The following STPG2 variants were observed in gnomAD, a reference collection of about 807,000 sequenced individuals.
STPG2 encodes the protein sperm tail PG-rich repeat containing 2.
In STPG2, 56 loss-of-function variants were observed where a neutral mutation model predicts 54.2. The ratio of observed to expected loss-of-function variants is 1.03; its 90% CI spans 0.83 to 1.29. STPG2 has a LOEUF of 1.29. Ranked by LOEUF, STPG2 falls within the 50% of genes most tolerant of loss-of-function variation. The pLI is 0.00. For missense variants in STPG2, 596 were observed against 544.9 expected (o/e 1.09, Z -0.93); for synonymous variants, 200 against 181.8 (o/e 1.10, Z -0.81).
At chr4:97,664,740 T>C (rs1420215615) in intron 10 of STPG2, among the ~76,000 whole-genome samples, 1 of 152,094 alleles carries the variant, frequency 6.6e-6, no homozygotes, top group Non-Finnish European at 1.5e-5. Flanking sequence ...TGTCACGGGA[T>C]CCTTGGGGTG....
In STPG2 at chr4:97,689,809, A is replaced by G. The variant is rs969518189; in HGVS notation, c.1320+22890T>C. Among the ~76,000 whole-genome samples the G allele has an allele frequency of 2.6e-5, 4 of 152,056 alleles. 1 individual carries two copies. ...ACTTGAAAATTCTTCAGTTTTCATA[A>G]AAACAAATTAGAAAGATAATTAAGA... On this transcript the variant is annotated intron_variant, in intron 10 of 10. Coordinates refer to ENST00000295268, the MANE Select transcript of STPG2 (RefSeq NM_174952.3).
intron 10 of STPG2, among the ~76,000 whole-genome samples, chr4:97,681,971 A>G (rs1302249437): frequency 6.6e-6 from 1 of 151,778 alleles, no homozygotes; most frequent in Non-Finnish European, 1.5e-5. Flanking sequence ...ATCAATTACA[A>G]TTGTTCTAAA....
chr4:97,654,446 G>C (rs1480042718), intron 10 of STPG2, among the ~76,000 whole-genome samples: 2 of 151,940 alleles, frequency 1.3e-5, no homozygotes, highest in African/African-American at 4.8e-5. Flanking sequence ...CACAAGGTTT[G>C]ATATGCATCA....
chr4:97,967,054 C>T (rs1405213672), intron 7 of STPG2, among the ~76,000 whole-genome samples: 1 of 151,946 alleles, frequency 6.6e-6, no homozygotes, highest in Non-Finnish European at 1.5e-5. Context: ...AATTAAAAGA[C>T]ACAGATGGGC....
chr4:98,022,799 G>T (rs1256689102), intron 5 of STPG2, among the ~76,000 whole-genome samples: 3 of 152,044 alleles, frequency 2.0e-5, no homozygotes, highest in African/African-American at 7.3e-5. Context: ...CTTTCTTCCA[G>T]TTGATCGCAT....
intron 9 of STPG2, among the ~76,000 whole-genome samples, chr4:97,742,553 G>GTATATATATA (rs1299622765): frequency 1.5e-5 from 2 of 134,870 alleles, no homozygotes; most frequent in Non-Finnish European, 3.2e-5. Context: ...GTGTGTGTGT[G>GTATATATATA]TGTGTGTGTG....
chr4:97,896,495 G>T (rs937230856), intron 8 of STPG2, among the ~76,000 whole-genome samples: 1 of 151,630 alleles, frequency 6.6e-6, no homozygotes, highest in African/African-American at 2.4e-5. Flanking sequence ...AGTAGGTAAG[G>T]ATGACAGAAA....
intron 2 of STPG2, 66 bp from the exon 3 acceptor site, chr4:98,128,658 T>C (rs1739900070): frequency 7.6e-7 from 1 of 1,313,668 alleles, no homozygotes; most frequent in African/African-American, 1.5e-5. Flanking sequence ...GAACCAAATA[T>C]TAAAAGTTAC....
At chr4:97,796,352 T>C (rs1727176207) in intron 9 of STPG2, among the ~76,000 whole-genome samples, 1 of 152,242 alleles carries the variant, frequency 6.6e-6, no homozygotes, top group African/African-American at 2.4e-5. Context: ...TTGAAGTCTT[T>C]AATCCATCTT....
chr4:97,979,350 A>G (rs1270559373), intron 6 of STPG2, among the ~76,000 whole-genome samples: 1 of 152,178 alleles, frequency 6.6e-6, no homozygotes, highest in Non-Finnish European at 1.5e-5. Flanking sequence ...ATCCTCATCA[A>G]GGAAATGCTA....
intron 4 of STPG2, among the ~76,000 whole-genome samples, chr4:97,485,302 A>G (rs1426209764): frequency 6.6e-6 from 1 of 151,678 alleles, no homozygotes; most frequent in Non-Finnish European, 1.5e-5. Context: ...TGTTTACCTC[A>G]AAAACTCTAA....
At chr4:98,039,864 G>T in intron 5 of STPG2, among the ~76,000 whole-genome samples, 1 of 151,492 alleles carries the variant, frequency 6.6e-6, no homozygotes, top group Non-Finnish European at 1.5e-5. Context: ...GGATGAAATG[G>T]TAATTCTAAT....
chr4:97,831,886 C>G (rs545137066), intron 9 of STPG2, among the ~76,000 whole-genome samples: 26 of 152,240 alleles, frequency 1.7e-4, no homozygotes, highest in African/African-American at 6.0e-4. Context: ...TAATAGCCTA[C>G]CAACCAAAAA....
intron 10 of STPG2, among the ~76,000 whole-genome samples, chr4:97,699,069 G>A (rs79698812): frequency 0.018 from 2,695 of 152,260 alleles, 78 homozygotes; most frequent in African/African-American, 0.061. Flanking sequence ...TTTCAGAAGA[G>A]GTCCAATACA....
At chr4:97,881,930 C>T (rs1730389605) in intron 8 of STPG2, among the ~76,000 whole-genome samples, 1 of 152,126 alleles carries the variant, frequency 6.6e-6, no homozygotes, top group South Asian at 2.1e-4. Flanking sequence ...CACTACCATC[C>T]TAACAACAAA....
intron 8 of STPG2, among the ~76,000 whole-genome samples, chr4:97,931,868 T>G (rs1004299888): frequency 4.6e-5 from 7 of 152,012 alleles, no homozygotes; most frequent in African/African-American, 1.7e-4. Context: ...ATCCATCAGG[T>G]CTTGGTCTTT....
intron 9 of STPG2, among the ~76,000 whole-genome samples, chr4:97,773,109 T>G (rs1726266833): frequency 6.6e-6 from 1 of 152,170 alleles, no homozygotes; most frequent in Non-Finnish European, 1.5e-5. Context: ...TTTATATGCC[T>G]TTTCTATTTT....
chr4:97,973,871 T>C (rs783956), intron 6 of STPG2, among the ~76,000 whole-genome samples: 127,479 of 152,140 alleles, frequency 0.84, 53,572 homozygotes, highest in Middle Eastern at 0.94. Flanking sequence ...TAGGGGATTG[T>C]AGAAGGAAAA....
At position 98,120,984 on chromosome 4, in the gene STPG2, T is replaced by G. The variant is rs757005040; in HGVS notation, c.387+7444A>C. Among the ~76,000 whole-genome samples, 3 of 152,260 alleles carry G rather than the reference T, an allele frequency of 2.0e-5. No homozygotes were observed. In the South Asian group the frequency reaches 6.2e-4, roughly 31 times the overall value. ...GTCATGAAATTTTTGCCTGTGCCTA[T>G]GTTCTCAATGGTATTGCTCAGATTT... On this transcript the variant is annotated intron_variant, in intron 3 of 10. Transcript: ENST00000295268.
Sources: gnomAD v4.1 joint callset for allele counts (sites outside exome capture counted in the v4.1 genomes callset) on GRCh38, gnomAD v4.1.1 for gene constraint, MANE v1.5 for transcripts, NCBI Gene and HGNC (gene_info 2026-07-23, HGNC 2026-07-21) for gene names.